The following GRIN3A variants were observed in gnomAD, a reference collection of about 807,000 sequenced individuals.
The protein encoded by GRIN3A is glutamate receptor ionotropic, NMDA 3A.
GRIN3A carries 47 observed loss-of-function variants against 92.4 expected under a neutral mutation model. The observed-to-expected ratio is 0.51, with a 90% CI of 0.40 to 0.65. The LOEUF (loss-of-function observed/expected upper bound fraction) is 0.65, where lower values mean the gene tolerates loss of function less well. Among genes scored for constraint, GRIN3A ranks in the 30% least tolerant of loss-of-function variants. GRIN3A has a pLI of 0.00. For synonymous variants in GRIN3A, 527 were observed against 540.6 expected (o/e 0.97, Z 0.35); for missense variants, 1,324 against 1,393.1 (o/e 0.95, Z 0.79).
chr9:101,705,364 G>A (rs1358739842), intron 1 of GRIN3A, among the ~76,000 whole-genome samples: 1 of 152,060 alleles, frequency 6.6e-6, no homozygotes, highest in African/African-American at 2.4e-5. Flanking sequence ...CAAGAAGAAC[G>A]GCGGAACTCC....
intron 3 of GRIN3A, among the ~76,000 whole-genome samples, chr9:101,649,243 T>C (rs983242066): frequency 3.3e-5 from 5 of 151,742 alleles, no homozygotes; most frequent in African/African-American, 7.3e-5. Context: ...CACATGGAAT[T>C]TGTGGAAAAT....
At chr9:101,717,438 G>T (rs1340181904) in intron 1 of GRIN3A, among the ~76,000 whole-genome samples, 1 of 152,086 alleles carries the variant, frequency 6.6e-6, no homozygotes, top group Non-Finnish European at 1.5e-5. Context: ...AAATTATCTG[G>T]GTGCTGCTAA....
intron 1 of GRIN3A, among the ~76,000 whole-genome samples, chr9:101,719,115 G>A (rs1829979094): frequency 6.6e-6 from 1 of 152,044 alleles, no homozygotes; most frequent in Admixed American, 6.6e-5. Flanking sequence ...ACAGAAGCTG[G>A]GACAAGAGAA....
intron 4 of GRIN3A, among the ~76,000 whole-genome samples, chr9:101,627,911 C>T (rs1401247255): frequency 6.6e-6 from 1 of 152,152 alleles, no homozygotes; most frequent in East Asian, 1.9e-4. Context: ...TATCCTCTGG[C>T]CATATTCCCT....
At chr9:101,596,772 T>G (rs1007109508) in intron 6 of GRIN3A, among the ~76,000 whole-genome samples, 2 of 152,230 alleles carry the variant, frequency 1.3e-5, no homozygotes. Context: ...AAAGATAATT[T>G]GTTGGAAGAA....
intron 1 of GRIN3A, 95 bp downstream of exon 1, chr9:101,737,186 C>T (rs1184512888): frequency 1.0e-6 from 1 of 982,332 alleles, no homozygotes. Flanking sequence ...TAACAACTCC[C>T]CTCAGACTTT....
chr9:101,632,099 C>G (rs374905560), intron 3 of GRIN3A, among the ~76,000 whole-genome samples: 1 of 152,190 alleles, frequency 6.6e-6, no homozygotes. Context: ...TTGGCCAGTT[C>G]TCTCATTTCC....
intron 3 of GRIN3A, among the ~76,000 whole-genome samples, chr9:101,646,505 T>A (rs187883686): frequency 6.6e-6 from 1 of 152,110 alleles, no homozygotes; most frequent in Non-Finnish European, 1.5e-5. Flanking sequence ...ATTTGGAGCC[T>A]TTTGGGGTTA....
At chr9:101,646,888 G>GT (rs1239748070) in intron 3 of GRIN3A, among the ~76,000 whole-genome samples, 7 of 151,188 alleles carry the variant, frequency 4.6e-5, no homozygotes, top group South Asian at 2.1e-4. Flanking sequence ...AGCTCTAATA[G>GT]TTTTTTTTGT....
intron 1 of GRIN3A, among the ~76,000 whole-genome samples, chr9:101,695,664 C>A (rs1199366335): frequency 1.3e-5 from 2 of 152,104 alleles, no homozygotes; most frequent in East Asian, 3.9e-4. Flanking sequence ...GTAGTAACTG[C>A]TTGATAAATA....
intron 3 of GRIN3A, among the ~76,000 whole-genome samples, chr9:101,652,078 G>C (rs7048897): frequency 0.031 from 4,718 of 152,100 alleles, 237 homozygotes; most frequent in African/African-American, 0.11. Flanking sequence ...CAGCTACTGT[G>C]CTAAAAGGTT....
chr9:101,587,327 AT>A (rs974420541), intron 6 of GRIN3A, among the ~76,000 whole-genome samples: 4 of 151,044 alleles, frequency 2.6e-5, no homozygotes, highest in African/African-American at 4.9e-5. Flanking sequence ...AAAAAAAAAA[AT>A]CTGTTGCTTG....
chr9:101,673,465 G>A (rs1489511684), intron 2 of GRIN3A, among the ~76,000 whole-genome samples: 3 of 152,024 alleles, frequency 2.0e-5, no homozygotes, highest in Non-Finnish European at 4.4e-5. Flanking sequence ...AAAAAATTGG[G>A]TCCCAGAGAA....
At chr9:101,699,332 G>T (rs1414076106) in intron 1 of GRIN3A, among the ~76,000 whole-genome samples, 1 of 151,816 alleles carries the variant, frequency 6.6e-6, no homozygotes, top group Non-Finnish European at 1.5e-5. Context: ...CTGCCTTCTG[G>T]AATACCTCCT....
rs905914403 is a variant in GRIN3A, at chr9:101,729,592, A to G, written c.699+7689T>C. On this transcript the variant is annotated intron_variant, in intron 1 of 8. Coordinates refer to ENST00000361820, the MANE Select transcript of GRIN3A (RefSeq NM_133445.3). ...GACATTGAGTACACCTGGATAATCC[A>G]AGATACCCTTTCTATCTCAAGATGC... Among the ~76,000 whole-genome samples, 53 of 152,190 alleles carry G rather than the reference A, an allele frequency of 3.5e-4. 1 individual carries two copies. The highest frequency in any genetic ancestry group is 1.1e-3 in the African/African-American group (47 of 41,456).
intron 8 of GRIN3A, among the ~76,000 whole-genome samples, chr9:101,577,052 G>C (rs931431635): frequency 2.6e-5 from 4 of 152,284 alleles, no homozygotes; most frequent in Non-Finnish European, 1.5e-5. Flanking sequence ...ATGAAATAGG[G>C]AACAGTCATC....
At chr9:101,587,274 C>T (rs1305965535) in intron 6 of GRIN3A, among the ~76,000 whole-genome samples, 1 of 138,916 alleles carries the variant, frequency 7.2e-6, no homozygotes, top group East Asian at 2.1e-4. Context: ...TGCACCACTG[C>T]AATCCAGCCT....
At chr9:101,700,807 T>G (rs1429206903) in intron 1 of GRIN3A, among the ~76,000 whole-genome samples, 1 of 152,162 alleles carries the variant, frequency 6.6e-6, no homozygotes, top group African/African-American at 2.4e-5. Context: ...AATGGTATCC[T>G]AATGAAGTAA....
At chr9:101,660,557 G>C (rs1012059409) in intron 3 of GRIN3A, among the ~76,000 whole-genome samples, 1 of 151,838 alleles carries the variant, frequency 6.6e-6, no homozygotes, top group African/African-American at 2.4e-5. Flanking sequence ...CTCTCATGGA[G>C]TTTATAGTCC....
Sources: gnomAD v4.1 joint callset for allele counts (sites outside exome capture counted in the v4.1 genomes callset) on GRCh38, gnomAD v4.1.1 for gene constraint, MANE v1.5 for transcripts, NCBI Gene and HGNC (gene_info 2026-07-23, HGNC 2026-07-21) for gene names.